Variants in NIPA1 observed in about 807,000 individuals in gnomAD.
NIPA1 encodes the protein NIPA magnesium transporter 1.
Under a neutral mutation model 23.9 loss-of-function variants are expected in NIPA1, and 13 were observed. The ratio of observed to expected loss-of-function variants is 0.54; its 90% CI spans 0.35 to 0.87. NIPA1 has a LOEUF of 0.87. NIPA1 is among the 40% of genes least tolerant of loss of function. The probability of loss-of-function intolerance (pLI) is 0.01; values close to 1 mark genes in which losing one functional copy is unlikely to be tolerated. For missense variants in NIPA1, 362 were observed against 429.7 expected (o/e 0.84, Z 1.39); for synonymous variants, 234 against 202.9 (o/e 1.15, Z -1.30).
chr15:22,790,162 T>G (rs993209493), intron 1 of NIPA1, among the ~76,000 whole-genome samples: 6 of 152,118 alleles, frequency 3.9e-5, no homozygotes, highest in African/African-American at 1.4e-4. Context: ...AGGGCCAAGC[T>G]GGCAACTTGA....
At chr15:22,789,968 T>C (rs914589314) in intron 1 of NIPA1, among the ~76,000 whole-genome samples, 32 of 152,206 alleles carry the variant, frequency 2.1e-4, no homozygotes, top group African/African-American at 6.7e-4. Context: ...CTAATTTTTG[T>C]ATTTTAGCAG....
intron 1 of NIPA1, 123 bp downstream of exon 1, chr15:22,786,957 G>A (rs1214065749): frequency 1.1e-5 from 6 of 534,112 alleles, no homozygotes; most frequent in Non-Finnish European, 1.5e-5. Context: ...GGCCCAGGTT[G>A]GGGGAAGGCT....
intron 3 of NIPA1, 40 bp from the exon 4 acceptor site, chr15:22,820,273 T>G (rs1733468911): frequency 2.2e-6 from 3 of 1,379,164 alleles, no homozygotes; most frequent in Non-Finnish European, 2.1e-6. Context: ...GGTCAGGTAG[T>G]TTGGTTTAAA....
At position 22,824,948 on chromosome 15, in the gene NIPA1, G is replaced by T. The variant is rs922263881; in HGVS notation, c.*709G>T. 1 of 152,688 alleles carries T rather than the reference G, an allele frequency of 6.5e-6. No homozygotes were observed. The highest frequency in any genetic ancestry group is 1.5e-5 in the Non-Finnish European group (1 of 68,154). The allele number at this position is 152,688 out of a possible 1,614,324, so 9.5% of individuals were successfully genotyped here. ...TTAATTTGACTCTTAATGTGTATATGTTCTTAGATTAGAATAATGCAACTT... is the reference window on the plus strand; with the variant it reads ...TTAATTTGACTCTTAATGTGTATATTTTCTTAGATTAGAATAATGCAACTT... On this transcript the variant is annotated 3_prime_UTR_variant, in exon 5 of 5. Coordinates refer to ENST00000337435, the MANE Select transcript of NIPA1 (RefSeq NM_144599.5). The surrounding 1 kb of genome is among the most constrained non-coding windows in gnomAD (Gnocchi z 4.1).
intron 3 of NIPA1, among the ~76,000 whole-genome samples, chr15:22,819,895 A>G (rs1445113640): frequency 6.6e-6 from 1 of 152,166 alleles, no homozygotes; most frequent in Non-Finnish European, 1.5e-5. Context: ...TATACATGGA[A>G]TTGGTGTGAA....
intron 1 of NIPA1, among the ~76,000 whole-genome samples, chr15:22,798,138 C>T (rs1055187443): frequency 6.6e-6 from 1 of 151,724 alleles, no homozygotes; most frequent in African/African-American, 2.4e-5. Flanking sequence ...TGAGCCACCG[C>T]GCCCGGCCTC....
At chr15:22,807,942 C>T (rs535873886) in intron 1 of NIPA1, among the ~76,000 whole-genome samples, 23 of 152,086 alleles carry the variant, frequency 1.5e-4, no homozygotes, top group Admixed American at 9.8e-4. Context: ...CACCACCATG[C>T]CCAGCTAATT....
At chr15:22,822,765 T>G (rs148639507) in intron 4 of NIPA1, among the ~76,000 whole-genome samples, 3,570 of 151,472 alleles carry the variant, frequency 0.024, 136 homozygotes, top group African/African-American at 0.082. Context: ...AGGTGGAGGT[T>G]GCAGTGAGCA....
chr15:22,822,456 C>T (rs962589930), intron 4 of NIPA1, among the ~76,000 whole-genome samples: 2 of 152,098 alleles, frequency 1.3e-5, no homozygotes, highest in African/African-American at 2.4e-5. Flanking sequence ...CCTCCTGTCC[C>T]CTGCCTTACC....
chr15:22,816,178 ATTTTTTTTTT>A (rs71117481), intron 3 of NIPA1, among the ~76,000 whole-genome samples: 9 of 77,458 alleles, frequency 1.2e-4, no homozygotes, highest in African/African-American at 4.8e-4. Flanking sequence ...AGAAGACCTG[ATTTTTTTTTT>A]TTTTTTTTTT....
rs573314406 is a variant in NIPA1 at position 22,826,032 on chromosome 15, G to A, written c.*1793G>A. 1.4e-4 allele frequency: 22 copies of A among 152,230 alleles called. No individual in the cohort carries two copies. The highest frequency in any genetic ancestry group is 5.3e-4 in the African/African-American group (22 of 41,522). The allele number at this position is 152,230 out of a possible 1,614,324, so 9.4% of individuals were successfully genotyped here. On this transcript the variant is annotated 3_prime_UTR_variant, in exon 5 of 5. Coordinates refer to ENST00000337435, the MANE Select transcript of NIPA1 (RefSeq NM_144599.5). ...GGTTGGGTAAAGTAGATTAGGTGAA[G>A]TAGAACATAAAATTGAATAGTACCC...
chr15:22,797,246 G>T (rs1894957727), intron 1 of NIPA1, among the ~76,000 whole-genome samples: 1 of 150,670 alleles, frequency 6.6e-6, no homozygotes, highest in African/African-American at 2.5e-5. Flanking sequence ...GTCTCGCTCT[G>T]TTGCCCAGGC....
At chr15:22,809,718 C>T (rs1189404254) in intron 1 of NIPA1, among the ~76,000 whole-genome samples, 1 of 148,694 alleles carries the variant, frequency 6.7e-6, no homozygotes, top group Non-Finnish European at 1.5e-5. Context: ...GCATTCCAGC[C>T]TGGGTGACAG....
rs556489523 is a variant in NIPA1 at position 22,813,480 on chromosome 15, T to C, written c.317+1227T>C. Among the ~76,000 whole-genome samples, 4 of 152,306 alleles carry C rather than the reference T, an allele frequency of 2.6e-5. No individual in the cohort carries two copies. The East Asian group carries it at 7.7e-4, about 29-fold the overall frequency. On this transcript the variant is annotated intron_variant, in intron 3 of 4. Coordinates refer to ENST00000337435, the MANE Select transcript of NIPA1 (RefSeq NM_144599.5). ...GTTTACTTACTGCGAAAATGATTGA[T>C]GAGATACTTATTAAATAACATATAT...
chr15:22,798,397 G>T (rs1210824442), intron 1 of NIPA1, among the ~76,000 whole-genome samples: 1 of 148,544 alleles, frequency 6.7e-6, no homozygotes, highest in Non-Finnish European at 1.5e-5. Flanking sequence ...CCGCCACCAT[G>T]CCCAGCTAAT....
chr15:22,796,660 C>T (rs1041411187), intron 1 of NIPA1, among the ~76,000 whole-genome samples: 10 of 151,922 alleles, frequency 6.6e-5, no homozygotes, highest in Admixed American at 6.6e-4. Flanking sequence ...TTGTTTTAAC[C>T]ATGAGGGACT....
In NIPA1 at chr15:22,824,602, A is replaced by G. The variant is rs1172871043; in HGVS notation, c.*363A>G. ...TTAGTTGTTACATGATAGCAGAGAT[A>G]TTTTTACTTAGATTACTTTGGGAAT... On this transcript the variant is annotated 3_prime_UTR_variant, in exon 5 of 5. Transcript: ENST00000337435. This position sits in a 1 kb window ranked among gnomAD's most constrained non-coding sequence, Gnocchi z 4.1. The G allele has an allele frequency of 6.9e-6, 2 of 291,650 alleles. No homozygotes were observed. The highest frequency in any genetic ancestry group is 8.8e-5 in the East Asian group (1 of 11,404). The allele number at this position is 291,650 out of a possible 1,614,324, so 18.1% of individuals were successfully genotyped here. A position where few individuals can be genotyped will look rare whatever the true frequency, so the allele number is the denominator to read the frequency against.
chr15:22,808,437 G>C (rs958161882), intron 1 of NIPA1, among the ~76,000 whole-genome samples: 5 of 152,140 alleles, frequency 3.3e-5, no homozygotes, highest in Non-Finnish European at 5.9e-5. Context: ...CAGAGGTAGG[G>C]CGTGGCTCAG....
rs1179506436 is a variant in NIPA1, at chr15:22,829,316, G to T, written c.*5077G>T. On this transcript the variant is annotated 3_prime_UTR_variant, in exon 5 of 5. Transcript: ENST00000337435. ...TGCTTCCAAGCAGCTCAACCCTGAT[G>T]CTGAACTGACACCAGGCGAATGTCA... The T allele has an allele frequency of 2.0e-5, 3 of 152,230 alleles. No individual in the cohort carries two copies. The highest frequency in any genetic ancestry group is 7.2e-5 in the African/African-American group (3 of 41,428). The allele number at this position is 152,230 out of a possible 1,614,324, so 9.4% of individuals were successfully genotyped here. A position where few individuals can be genotyped will look rare whatever the true frequency, so the allele number is the denominator to read the frequency against.
Sources: allele counts gnomAD v4.1 joint callset (sites outside exome capture counted in the v4.1 genomes callset), GRCh38; gene constraint gnomAD v4.1.1; non-coding constraint Gnocchi (gnomAD v3.1); transcripts MANE v1.5; gene names NCBI Gene and HGNC (gene_info 2026-07-23, HGNC 2026-07-21).